The following TBC1D1 variants were observed in gnomAD, a reference collection of about 807,000 sequenced individuals.
TBC1D1 encodes the protein TBC1 (tre-2/USP6, BUB2, cdc16) domain family, member 1.
In TBC1D1, 89 loss-of-function variants were observed where a neutral mutation model predicts 125.6. That is an observed-to-expected ratio of 0.71 (90% CI 0.60 to 0.85). TBC1D1 has a LOEUF of 0.85. TBC1D1 is among the 40% of genes least tolerant of loss of function. The pLI, the probability that TBC1D1 is intolerant of heterozygous loss-of-function variation, is 0.00. For synonymous variants in TBC1D1, 565 were observed against 564.1 expected (o/e 1.00, Z -0.02); for missense variants, 1,377 against 1,469.2 (o/e 0.94, Z 1.03).
At chr4:37,895,520 A>G (rs1268087972) in intron 1 of TBC1D1, among the ~76,000 whole-genome samples, 1 of 152,170 alleles carries the variant, frequency 6.6e-6, no homozygotes, top group Non-Finnish European at 1.5e-5. Flanking sequence ...CCTGGCAAAC[A>G]TGACGAAATC....
At chr4:37,923,746 C>G (rs562854922) in intron 2 of TBC1D1, among the ~76,000 whole-genome samples, 1 of 147,934 alleles carries the variant, frequency 6.8e-6, no homozygotes, top group African/African-American at 2.5e-5. Context: ...GTGGTACCAT[C>G]TCAGCTCACT....
At chr4:38,065,990 G>A (rs1560724426) in intron 12 of TBC1D1, among the ~76,000 whole-genome samples, 1 of 152,196 alleles carries the variant, frequency 6.6e-6, no homozygotes, top group Non-Finnish European at 1.5e-5. Context: ...GAAAGATTGA[G>A]TGACACAGTT....
chr4:38,138,891 C>T lies in TBC1D1; in HGVS notation c.*1556C>T, dbSNP rs1038819037. The T allele has an allele frequency of 3.3e-5, 5 of 152,632 alleles. No individual in the cohort carries two copies. Among genetic ancestry groups the T allele is most frequent in the Non-Finnish European group, 7.3e-5 (5 of 68,058 alleles). The allele number at this position is 152,632 out of a possible 1,614,324, so 9.5% of individuals were successfully genotyped here. A position where few individuals can be genotyped will look rare whatever the true frequency, so the allele number is the denominator to read the frequency against. ...GAGACCACAGTGCTGCCACCAGTGCCTAAACAGGTGGCTGGCATTCGAGAC... is the reference window on the plus strand; with the variant it reads ...GAGACCACAGTGCTGCCACCAGTGCTTAAACAGGTGGCTGGCATTCGAGAC... On this transcript the variant is annotated 3_prime_UTR_variant, in exon 20 of 20. Transcript: ENST00000261439.
At chr4:38,052,728 G>GCGCGCACACA (rs1491148206) in intron 11 of TBC1D1, among the ~76,000 whole-genome samples, 34 of 118,340 alleles carry the variant, frequency 2.9e-4, no homozygotes, top group African/African-American at 1.2e-3. Flanking sequence ...GCGCGCGCGC[G>GCGCGCACACA]CACACACACA....
intron 18 of TBC1D1, among the ~76,000 whole-genome samples, chr4:38,126,515 A>G (rs1764674818): frequency 6.6e-6 from 1 of 152,270 alleles, no homozygotes; most frequent in African/African-American, 2.4e-5. Context: ...CTGCAAAAGA[A>G]AGAGGTTTCA....
intron 2 of TBC1D1, among the ~76,000 whole-genome samples, chr4:37,907,907 A>G (rs1717679695): frequency 6.6e-6 from 1 of 152,222 alleles, no homozygotes; most frequent in African/African-American, 2.4e-5. Flanking sequence ...ATTTTAGATC[A>G]TTCATAAAAG....
chr4:38,005,253 A>G (rs1322304196), intron 2 of TBC1D1, among the ~76,000 whole-genome samples: 3 of 152,250 alleles, frequency 2.0e-5, no homozygotes, highest in Non-Finnish European at 4.4e-5. Flanking sequence ...AGGGAAGGGA[A>G]GAATGCAAGA....
intron 2 of TBC1D1, among the ~76,000 whole-genome samples, chr4:37,905,387 T>A (rs1717098115): frequency 6.6e-6 from 1 of 152,242 alleles, no homozygotes. Context: ...CAGTCTTTTA[T>A]ACATTATTAA....
intron 2 of TBC1D1, among the ~76,000 whole-genome samples, chr4:37,919,416 C>T (rs558748738): frequency 1.3e-5 from 2 of 150,874 alleles, no homozygotes; most frequent in Non-Finnish European, 2.9e-5. Flanking sequence ...AAACTCCTGA[C>T]CTCAAGTGAT....
chr4:38,049,765 C>G lies in TBC1D1; in HGVS notation c.1777C>G (p.Arg593Gly). ...GTCGCCCCAGCAGGCCTTCAGGAGGCGAGCAAACACCCTGAGTCACTTCCC... is the reference window on the plus strand; with the variant it reads ...GTCGCCCCAGCAGGCCTTCAGGAGGGGAGCAAACACCCTGAGTCACTTCCC... The change falls in exon 11 of 20, where the codon CGA becomes GGA. Residue 593 changes from arginine to glycine, a missense_variant. Physicochemically the swap from Arg to Gly is moderately radical, Grantham distance 125. Coordinates refer to ENST00000261439, the MANE Select transcript of TBC1D1 (RefSeq NM_015173.4). The G allele has an allele frequency of 6.2e-7, 1 of 1,614,148 alleles. No individual in the cohort carries two copies. Among genetic ancestry groups the G allele is most frequent in the South Asian group, 1.1e-5 (1 of 91,080 alleles).
chr4:37,956,518 A>G (rs902782279), intron 2 of TBC1D1, among the ~76,000 whole-genome samples: 2 of 152,232 alleles, frequency 1.3e-5, no homozygotes, highest in Non-Finnish European at 2.9e-5. Context: ...AACTTCCAGC[A>G]GACTATCCTC....
rs1009385672 is a variant in TBC1D1 at position 37,995,133 on chromosome 4, G to A, written c.418-19376G>A. On this transcript the variant is annotated intron_variant, in intron 2 of 19. Transcript: ENST00000261439. This position sits in a 1 kb window ranked among gnomAD's most constrained non-coding sequence, Gnocchi z 4.3. The stretch of plus-strand genomic sequence containing the variant: ...AAGAGTACTGCAGTTTGTTTCCTTC[G>A]ATACTGACACAACAGCCCTCGGGAA... 6.6e-6 allele frequency among the ~76,000 whole-genome samples: 1 copy of A among 152,046 alleles called. No homozygotes were observed. The highest frequency in any genetic ancestry group is 6.6e-5 in the Admixed American group (1 of 15,262).
At chr4:37,954,201 A>G (rs1284600259) in intron 2 of TBC1D1, among the ~76,000 whole-genome samples, 1 of 152,116 alleles carries the variant, frequency 6.6e-6, no homozygotes, top group African/African-American at 2.4e-5. Context: ...GGCTCCTCGC[A>G]CCAGTGCATT....
rs1485519509 is a variant in TBC1D1, at chr4:38,139,060, T to C, written c.*1725T>C. On this transcript the variant is annotated 3_prime_UTR_variant, in exon 20 of 20. Coordinates refer to ENST00000261439, the MANE Select transcript of TBC1D1 (RefSeq NM_015173.4). ...CTTTGTTCTGCATCAGATCTTACTA[T>C]TTGAATGTTTACTGTTGGATTTTGG... 3 of 152,656 alleles carry C rather than the reference T, an allele frequency of 2.0e-5. No individual in the cohort carries two copies. Among genetic ancestry groups the C allele is most frequent in the African/African-American group, 7.2e-5 (3 of 41,458 alleles). 9.5% of individuals were successfully genotyped at this position (152,656 alleles called of 1,614,324 possible).
intron 7 of TBC1D1, among the ~76,000 whole-genome samples, 187 bp from the exon 8 acceptor site, chr4:38,035,401 T>G (rs568074575): frequency 6.6e-6 from 1 of 152,372 alleles, no homozygotes; most frequent in East Asian, 1.9e-4. Flanking sequence ...AAGCTAAATC[T>G]GGCCCACTGG....
At chr4:38,133,326 A>G (rs1324848719) in intron 19 of TBC1D1, 69 bp downstream of exon 21, 1 of 1,461,070 alleles carries the variant, frequency 6.8e-7, no homozygotes, top group African/African-American at 1.4e-5. Context: ...CACCAAAGGC[A>G]ACAGCAGGCT....
chr4:38,006,028 C>T (rs1447610373), intron 2 of TBC1D1, among the ~76,000 whole-genome samples: 2 of 152,156 alleles, frequency 1.3e-5, no homozygotes, highest in Non-Finnish European at 2.9e-5. Context: ...GATTACAGCC[C>T]TTTCTCATTT....
rs1320356694 is a variant in TBC1D1, at chr4:38,027,875, TTC to T, written c.1299_1300del (p.Gln434GlufsTer7). The T allele has an allele frequency of 6.2e-7, 1 of 1,608,478 alleles. No individual in the cohort carries two copies. The highest frequency in any genetic ancestry group is 1.1e-5 in the South Asian group (1 of 90,288). The stretch of plus-strand genomic sequence containing the variant: ...GAGCAGGCGACTATTTTTGAAGAGG[TTC>T]AGGTACAGTACAGTTGCTAATTTCT... On this transcript the variant is annotated frameshift_variant and splice_region_variant, in exon 7 of 20. Transcript: ENST00000261439. LOFTEE classifies it high-confidence loss of function.
intron 13 of TBC1D1, among the ~76,000 whole-genome samples, chr4:38,092,657 C>A (rs1029238967): frequency 6.6e-6 from 1 of 151,568 alleles, no homozygotes; most frequent in Non-Finnish European, 1.5e-5. Context: ...ATCGCTTGAA[C>A]CCAGGAGACG....
Sources: gnomAD v4.1 joint callset for allele counts (sites outside exome capture counted in the v4.1 genomes callset) on GRCh38, gnomAD v4.1.1 for gene constraint, Gnocchi (gnomAD v3.1) non-coding constraint, MANE v1.5 for transcripts, NCBI Gene and HGNC (gene_info 2026-07-23, HGNC 2026-07-21) for gene names.